The following ERBB4 variants were observed in gnomAD, a reference collection of about 807,000 sequenced individuals.
The protein encoded by ERBB4 is erb-b2 receptor tyrosine kinase 4.
In ERBB4, 42 loss-of-function variants were observed where a neutral mutation model predicts 158.0. The observed-to-expected ratio is 0.27, with a 90% CI of 0.21 to 0.34. The LOEUF (loss-of-function observed/expected upper bound fraction) is 0.34, where lower values mean the gene tolerates loss of function less well. Ranked by LOEUF, ERBB4 falls within the 10% of genes least tolerant of loss-of-function variation. ERBB4 has a pLI of 1.00. For missense variants in ERBB4, 1,333 were observed against 1,624.1 expected, an observed-to-expected ratio of 0.82 and a Z score of 3.08; for synonymous variants, 583 against 558.7, an observed-to-expected ratio of 1.04 and a Z score of -0.61.
intron 25 of ERBB4, among the ~76,000 whole-genome samples, chr2:211,406,052 T>C (rs983342007): frequency 2.6e-5 from 4 of 152,176 alleles, no homozygotes; most frequent in Non-Finnish European, 5.9e-5. Context: ...AAATCTCTCT[T>C]TGTTTTAATT....
chr2:211,898,724 G>C (rs2079159198), intron 3 of ERBB4, among the ~76,000 whole-genome samples: 1 of 152,076 alleles, frequency 6.6e-6, no homozygotes, highest in Non-Finnish European at 1.5e-5. Flanking sequence ...TGATAAGGAA[G>C]GAAAATCATT....
chr2:212,171,063 AGGGG>A (rs964522079), intron 1 of ERBB4, among the ~76,000 whole-genome samples: 12 of 152,106 alleles, frequency 7.9e-5, no homozygotes, highest in Non-Finnish European at 1.5e-4. Context: ...AGCAGCCAGG[AGGGG>A]GAATATGACC....
At chr2:212,005,268 C>T (rs771225917) in intron 2 of ERBB4, among the ~76,000 whole-genome samples, 48 of 152,070 alleles carry the variant, frequency 3.2e-4, no homozygotes, top group Non-Finnish European at 6.3e-4. Context: ...TTTTGCCGCC[C>T]GGACCTCTAG....
At chr2:211,956,837 A>T (rs1200650693) in intron 2 of ERBB4, among the ~76,000 whole-genome samples, 1 of 151,882 alleles carries the variant, frequency 6.6e-6, no homozygotes, top group Non-Finnish European at 1.5e-5. Flanking sequence ...ATTCATGTAT[A>T]TATTTGTTTG....
chr2:212,421,056 GTTT>G (rs929223901), intron 1 of ERBB4, among the ~76,000 whole-genome samples: 13 of 152,180 alleles, frequency 8.5e-5, no homozygotes, highest in Admixed American at 7.9e-4. Context: ...TTGTGGTGAT[GTTT>G]TTTATTTCCT....
chr2:211,449,248 T>C (rs2064184836), intron 20 of ERBB4, among the ~76,000 whole-genome samples: 2 of 152,158 alleles, frequency 1.3e-5, no homozygotes, highest in South Asian at 4.1e-4. Flanking sequence ...TTTTAGACCG[T>C]GTAATATTAG....
chr2:211,462,224 A>G (rs1322859011), intron 20 of ERBB4, among the ~76,000 whole-genome samples: 2 of 151,910 alleles, frequency 1.3e-5, no homozygotes, highest in Non-Finnish European at 2.9e-5. Context: ...GGTGCTACAC[A>G]CTTTTAAACA....
intron 1 of ERBB4, among the ~76,000 whole-genome samples, chr2:212,196,437 G>T (rs751599242): frequency 5.9e-5 from 9 of 151,958 alleles, no homozygotes; most frequent in Non-Finnish European, 1.0e-4. Context: ...AGGGGAGGAG[G>T]TGAAAGGGGA....
intron 5 of ERBB4, among the ~76,000 whole-genome samples, chr2:211,726,396 T>C (rs1294461643): frequency 6.6e-6 from 1 of 152,162 alleles, no homozygotes; most frequent in Non-Finnish European, 1.5e-5. Context: ...GAAGTCCCCA[T>C]TTTGATATGC....
chr2:212,131,231 C>G (rs1330182573), intron 1 of ERBB4, among the ~76,000 whole-genome samples: 1 of 152,168 alleles, frequency 6.6e-6, no homozygotes, highest in African/African-American at 2.4e-5. Flanking sequence ...TGGACTTACA[C>G]AGCGGCCTCC....
chr2:211,523,505 T>C (rs1160307289), intron 20 of ERBB4, among the ~76,000 whole-genome samples: 3 of 151,702 alleles, frequency 2.0e-5, no homozygotes, highest in Admixed American at 6.6e-5. Flanking sequence ...TTGTTCCTTC[T>C]GATGTTCGGA....
intron 17 of ERBB4, among the ~76,000 whole-genome samples, chr2:211,625,624 C>A (rs1353793435): frequency 6.6e-6 from 1 of 152,118 alleles, no homozygotes; most frequent in Admixed American, 6.5e-5. Flanking sequence ...GAAAGAATCA[C>A]TAAATTATTT....
intron 20 of ERBB4, among the ~76,000 whole-genome samples, chr2:211,550,085 T>A (rs985805715): frequency 6.6e-6 from 1 of 152,136 alleles, no homozygotes; most frequent in Non-Finnish European, 1.5e-5. Flanking sequence ...TTTTGATACA[T>A]GTATACATTG....
At chr2:212,298,232 A>G (rs2106199913) in intron 1 of ERBB4, among the ~76,000 whole-genome samples, 1 of 151,866 alleles carries the variant, frequency 6.6e-6, no homozygotes, top group South Asian at 2.1e-4. Context: ...CATATTCTAT[A>G]CCATCTAGTA....
In ERBB4 at chr2:211,842,807, G is replaced by A. The variant is rs186864840; in HGVS notation, c.422-54648C>T. Among the ~76,000 whole-genome samples, 182 of 152,146 alleles carry A rather than the reference G, an allele frequency of 1.2e-3. 1 individual carries two copies. Among genetic ancestry groups the A allele is most frequent in the Admixed American group, 1.8e-3 (28 of 15,278 alleles). ...TTTGAATCCTTTCAACACAGGGGTC[G>A]TATCTGTCTTTTTAAATTATTACAT... On this transcript the variant is annotated intron_variant, in intron 3 of 27. Coordinates refer to ENST00000342788, the MANE Select transcript of ERBB4 (RefSeq NM_005235.3).
At chr2:212,081,336 A>G (rs1021383964) in intron 2 of ERBB4, among the ~76,000 whole-genome samples, 2 of 152,120 alleles carry the variant, frequency 1.3e-5, no homozygotes, top group African/African-American at 4.8e-5. Context: ...ATCTTCTGCA[A>G]TGTTTATATG....
intron 1 of ERBB4, among the ~76,000 whole-genome samples, chr2:212,469,788 A>C (rs995451807): frequency 1.3e-5 from 2 of 152,108 alleles, no homozygotes; most frequent in African/African-American, 4.8e-5. Flanking sequence ...ATGCATACTT[A>C]ATCTTTTTTT....
chr2:212,099,512 T>C (rs898393261), intron 2 of ERBB4, among the ~76,000 whole-genome samples: 5 of 152,210 alleles, frequency 3.3e-5, no homozygotes, highest in African/African-American at 9.6e-5. Context: ...TTCCACAGTT[T>C]TACTTTGATG....
intron 1 of ERBB4, among the ~76,000 whole-genome samples, chr2:212,310,609 A>ATGTG (rs56209146): frequency 0.022 from 3,203 of 143,432 alleles, 52 homozygotes; most frequent in Non-Finnish European, 0.035. Flanking sequence ...ATATATGTAT[A>ATGTG]TGTGTGTGTG....
Sources: gnomAD v4.1 joint callset for allele counts (sites outside exome capture counted in the v4.1 genomes callset) on GRCh38, gnomAD v4.1.1 for gene constraint, MANE v1.5 for transcripts, NCBI Gene and HGNC (gene_info 2026-07-23, HGNC 2026-07-21) for gene names.